Variants in ZC3H12B observed in about 807,000 individuals in gnomAD.
ZC3H12B encodes probable ribonuclease ZC3H12B.
Under a neutral mutation model 43.9 loss-of-function variants are expected in ZC3H12B, and 7 were observed. The observed-to-expected ratio is 0.16, with a 90% CI of 0.09 to 0.30. The LOEUF is 0.30. Ranked by LOEUF, ZC3H12B falls within the 10% of genes least tolerant of loss-of-function variation. ZC3H12B has a pLI of 1.00. For missense variants in ZC3H12B, 475 were observed against 670.2 expected (o/e 0.71, Z 3.22); for synonymous variants, 222 against 241.7 (o/e 0.92, Z 0.76).
At chrX:65,307,526 C>A in the ZC3H12B span, among the ~76,000 whole-genome samples, 4 of 111,370 alleles carry the variant, frequency 3.6e-5, no homozygotes. Context: ...AGTTTTACAG[C>A]CTATTAGTGA....
At chrX:65,223,801 T>A in the ZC3H12B span, among the ~76,000 whole-genome samples, 1 of 111,855 alleles carries the variant, frequency 8.9e-6, no homozygotes, top group Admixed American at 9.5e-5. Context: ...TCGGCCATAA[T>A]CACAAAATCA....
intron 2 of ZC3H12B, among the ~76,000 whole-genome samples, chrX:65,387,312 G>C (rs900967757): frequency 8.9e-6 from 1 of 111,814 alleles, no homozygotes; most frequent in African/African-American, 3.3e-5. Flanking sequence ...CTGTCTTTAT[G>C]AATCTGGGTG....
At chrX:65,351,774 C>T in the ZC3H12B span, among the ~76,000 whole-genome samples, 5 of 112,492 alleles carry the variant, frequency 4.4e-5, no homozygotes, top group Admixed American at 4.7e-4. Context: ...GAGATAGCAT[C>T]TCACATGAGT....
At chrX:65,445,503 G>A (rs1011273611) in intron 3 of ZC3H12B, among the ~76,000 whole-genome samples, 3 of 112,386 alleles carry the variant, frequency 2.7e-5, no homozygotes, top group African/African-American at 9.7e-5. Context: ...CCAAACAAAT[G>A]GAGTATCTCT....
the ZC3H12B span, among the ~76,000 whole-genome samples, chrX:65,236,837 G>A: frequency 8.9e-6 from 1 of 111,847 alleles, no homozygotes; most frequent in Non-Finnish European, 1.9e-5. Context: ...CGTCAGGTTT[G>A]TCATAGATCA....
At chrX:65,095,664 T>C in the ZC3H12B span, among the ~76,000 whole-genome samples, 26 of 111,856 alleles carry the variant, frequency 2.3e-4, no homozygotes, top group Non-Finnish European at 4.5e-4. Flanking sequence ...GTCAGAGCAT[T>C]CTGTTATTCT....
chrX:65,389,428 T>C (rs988937926), intron 2 of ZC3H12B, among the ~76,000 whole-genome samples: 2 of 112,579 alleles, frequency 1.8e-5, no homozygotes, highest in African/African-American at 6.5e-5. Flanking sequence ...CGTAGGACTC[T>C]CCAAGCCAGG....
the ZC3H12B span, among the ~76,000 whole-genome samples, chrX:65,179,406 T>TAA: frequency 0.012 from 1,218 of 100,361 alleles, 24 homozygotes; most frequent in African/African-American, 0.042. Context: ...TAAAGTTATT[T>TAA]AAAAAAAAAA....
chrX:65,408,687 A>G, intron 3 of ZC3H12B: 2 of 903,178 alleles, frequency 2.2e-6, no homozygotes, highest in Non-Finnish European at 3.1e-6. Flanking sequence ...CCAGATTAGG[A>G]CTTTGTCCTC....
At chrX:65,123,238 G>A in the ZC3H12B span, among the ~76,000 whole-genome samples, 1 of 111,649 alleles carries the variant, frequency 9.0e-6, no homozygotes, top group Admixed American at 9.5e-5. Context: ...TTATTGATTT[G>A]CGTATGTTGA....
the ZC3H12B span, among the ~76,000 whole-genome samples, chrX:65,157,007 G>A: frequency 1.8e-5 from 2 of 110,302 alleles, no homozygotes; most frequent in Non-Finnish European, 3.8e-5. Context: ...TTCAGACAGT[G>A]TCTTACTCTT....
chrX:65,293,903 A>G, the ZC3H12B span, among the ~76,000 whole-genome samples: 1 of 112,026 alleles, frequency 8.9e-6, no homozygotes, highest in Non-Finnish European at 1.9e-5. Context: ...AAGGGAAAAA[A>G]GAAAGATAAC....
chrX:65,229,682 T>G, the ZC3H12B span, among the ~76,000 whole-genome samples: 1 of 96,987 alleles, frequency 1.0e-5, no homozygotes, highest in African/African-American at 3.8e-5. Context: ...TCAAAGAAAT[T>G]TACAAGAAAA....
chrX:65,188,696 T>G, the ZC3H12B span, among the ~76,000 whole-genome samples: 2 of 111,436 alleles, frequency 1.8e-5, no homozygotes, highest in African/African-American at 3.3e-5. Context: ...TTTCTTGGTT[T>G]CTTTTTTAGA....
the ZC3H12B span, among the ~76,000 whole-genome samples, chrX:65,155,225 T>A: frequency 4.5e-5 from 5 of 110,859 alleles, no homozygotes; most frequent in Non-Finnish European, 7.6e-5. Context: ...CCCAAAATGC[T>A]AGGATTACAG....
chrX:65,127,346 C>T, the ZC3H12B span, among the ~76,000 whole-genome samples: 3 of 112,352 alleles, frequency 2.7e-5, no homozygotes, highest in Admixed American at 2.8e-4. Context: ...AAAGCTGTAA[C>T]ATGATTCATC....
the ZC3H12B span, among the ~76,000 whole-genome samples, chrX:65,107,541 TGG>T: frequency 9.0e-6 from 1 of 111,063 alleles, no homozygotes; most frequent in Non-Finnish European, 1.9e-5. Flanking sequence ...TACCTCGATA[TGG>T]TTTAGCTCTG....
At chrX:65,216,521 G>C in the ZC3H12B span, among the ~76,000 whole-genome samples, 1 of 111,585 alleles carries the variant, frequency 9.0e-6, no homozygotes, top group Admixed American at 9.5e-5. Flanking sequence ...CTCTAAATAA[G>C]TTTGAGTGTC....
At chrX:65,176,291 G>A in the ZC3H12B span, among the ~76,000 whole-genome samples, 30 of 111,726 alleles carry the variant, frequency 2.7e-4, no homozygotes, top group African/African-American at 7.8e-4. Context: ...GAACTGGGTG[G>A]AGCACACCAC....
Sources: gnomAD v4.1 joint callset for allele counts (sites outside exome capture counted in the v4.1 genomes callset) on GRCh38, gnomAD v4.1.1 for gene constraint, MANE v1.5 for transcripts, NCBI Gene and HGNC (gene_info 2026-07-23, HGNC 2026-07-21) for gene names.